PTPRD: variants seen among roughly 807,000 people sequenced by gnomAD.
The protein encoded by PTPRD is receptor-type tyrosine-protein phosphatase delta.
A neutral mutation model predicts 214.5 loss-of-function variants in PTPRD; 34 were observed. The ratio of observed to expected loss-of-function variants is 0.16; its 90% CI spans 0.12 to 0.21. The LOEUF is 0.21. PTPRD is among the 10% of genes least tolerant of loss of function. The probability of loss-of-function intolerance (pLI) is 1.00; values close to 1 mark genes in which losing one functional copy is unlikely to be tolerated. For missense variants in PTPRD, 2,545 were observed against 2,398.7 expected, an observed-to-expected ratio of 1.06 and a Z score of -1.27; for synonymous variants, 1,128 against 845.7, an observed-to-expected ratio of 1.33 and a Z score of -5.79.
At chr9:8,643,560 T>C (rs977397388) in intron 12 of PTPRD, among the ~76,000 whole-genome samples, 6 of 152,096 alleles carry the variant, frequency 3.9e-5, no homozygotes, top group African/African-American at 9.7e-5. Context: ...ACGCAGGGCA[T>C]AGGGGAAGCG....
At chr9:8,431,207 C>T (rs2095028849) in intron 35 of PTPRD, among the ~76,000 whole-genome samples, 1 of 152,020 alleles carries the variant, frequency 6.6e-6, no homozygotes, top group Non-Finnish European at 1.5e-5. Flanking sequence ...ACATGACTGG[C>T]AAGTACAACT....
intron 31 of PTPRD, 84 bp downstream of exon 31, chr9:8,470,911 C>G (rs2096640922): frequency 1.6e-6 from 2 of 1,226,576 alleles, no homozygotes; most frequent in East Asian, 2.3e-5. Context: ...CAGATTAGAT[C>G]CTGAAAGGCC....
chr9:8,869,277 C>T (rs373649419), intron 11 of PTPRD, among the ~76,000 whole-genome samples: 1 of 152,116 alleles, frequency 6.6e-6, no homozygotes, highest in South Asian at 2.1e-4. Flanking sequence ...TTGGTGAACT[C>T]TAAGAATAGA....
At chr9:9,546,717 T>C (rs1488439266) in intron 8 of PTPRD, among the ~76,000 whole-genome samples, 5 of 151,934 alleles carry the variant, frequency 3.3e-5, no homozygotes, top group Non-Finnish European at 7.4e-5. Flanking sequence ...TGAATGTTTA[T>C]AATATGTTCC....
chr9:10,293,623 T>C (rs1325514124), intron 3 of PTPRD, among the ~76,000 whole-genome samples: 3 of 151,954 alleles, frequency 2.0e-5, no homozygotes, highest in African/African-American at 7.2e-5. Flanking sequence ...CATTATAAAG[T>C]GGGCAGTAAC....
chr9:10,473,511 T>C (rs534757277), intron 2 of PTPRD, among the ~76,000 whole-genome samples: 1 of 152,236 alleles, frequency 6.6e-6, no homozygotes, highest in South Asian at 2.1e-4. Flanking sequence ...AGCTTGCACA[T>C]GCGTGAGTGT....
In PTPRD at chr9:10,411,078, T is replaced by C. The variant is rs937006303; in HGVS notation, c.-599-70061A>G. Among the ~76,000 whole-genome samples the C allele has an allele frequency of 2.6e-5, 4 of 151,926 alleles. No homozygotes were observed. The East Asian group carries it at 7.8e-4, about 30-fold the overall frequency. On this transcript the variant is annotated intron_variant, in intron 2 of 45. Coordinates refer to ENST00000381196, the MANE Select transcript of PTPRD (RefSeq NM_002839.4). ...AGCAAATGTTTGCCTGTTACCTTTT[T>C]AAATTTATTTACTTTTACTATTTAC...
At chr9:9,049,068 C>A (rs141751346) in intron 10 of PTPRD, among the ~76,000 whole-genome samples, 3 of 152,186 alleles carry the variant, frequency 2.0e-5, no homozygotes, top group Admixed American at 6.5e-5. Flanking sequence ...ATATACCAAG[C>A]ATCCAATGAT....
At chr9:9,926,096 C>T (rs978550293) in intron 5 of PTPRD, among the ~76,000 whole-genome samples, 1 of 152,090 alleles carries the variant, frequency 6.6e-6, no homozygotes, top group African/African-American at 2.4e-5. Flanking sequence ...TCCTAAAGTG[C>T]TGGGATTACA....
At chr9:8,548,685 T>C (rs1202446782) in intron 14 of PTPRD, among the ~76,000 whole-genome samples, 1 of 55,892 alleles carries the variant, frequency 1.8e-5, no homozygotes, top group African/African-American at 1.7e-4. Context: ...GATTTTTTTT[T>C]TTTTTTTTTT....
chr9:10,260,660 G>T (rs2093632026), intron 3 of PTPRD, among the ~76,000 whole-genome samples: 1 of 152,114 alleles, frequency 6.6e-6, no homozygotes, highest in African/African-American at 2.4e-5. Context: ...ACTACAGGGT[G>T]ATACTTATCC....
At chr9:10,524,027 T>C (rs550092978) in intron 2 of PTPRD, among the ~76,000 whole-genome samples, 1 of 151,928 alleles carries the variant, frequency 6.6e-6, no homozygotes, top group Non-Finnish European at 1.5e-5. Flanking sequence ...CTAAGGGTGG[T>C]TCTCTGGCTT....
At chr9:10,303,051 A>G (rs1274932049) in intron 3 of PTPRD, among the ~76,000 whole-genome samples, 1 of 152,036 alleles carries the variant, frequency 6.6e-6, no homozygotes, top group Non-Finnish European at 1.5e-5. Context: ...TAGCAATCAT[A>G]ACAAACAGTC....
chr9:10,197,650 G>A (rs1029288201), intron 3 of PTPRD, among the ~76,000 whole-genome samples: 1 of 152,062 alleles, frequency 6.6e-6, no homozygotes, highest in Admixed American at 6.6e-5. Context: ...AGAGATACAA[G>A]AATCAAAGAA....
intron 11 of PTPRD, among the ~76,000 whole-genome samples, chr9:8,842,900 G>T (rs1336915050): frequency 6.6e-6 from 1 of 152,132 alleles, no homozygotes; most frequent in Admixed American, 6.6e-5. Flanking sequence ...TCCTAACAAA[G>T]ACACACTTGC....
intron 2 of PTPRD, among the ~76,000 whole-genome samples, chr9:10,506,579 A>G (rs1378857231): frequency 2.0e-5 from 3 of 152,136 alleles, no homozygotes; most frequent in Non-Finnish European, 4.4e-5. Flanking sequence ...TATCTCATGT[A>G]CCATATAAAT....
At chr9:10,542,876 G>A (rs118134211) in intron 2 of PTPRD, among the ~76,000 whole-genome samples, 4,787 of 151,560 alleles carry the variant, frequency 0.032, 110 homozygotes, top group East Asian at 0.091. Flanking sequence ...GCACTACCAC[G>A]CCAGGCTAAT....
chr9:8,941,240 A>C (rs2099032099), intron 11 of PTPRD, among the ~76,000 whole-genome samples: 1 of 152,224 alleles, frequency 6.6e-6, no homozygotes, highest in Non-Finnish European at 1.5e-5. Flanking sequence ...TCAATAAGGA[A>C]GCATTTACTA....
At chr9:9,225,081 T>C (rs2099958560) in intron 9 of PTPRD, among the ~76,000 whole-genome samples, 1 of 152,064 alleles carries the variant, frequency 6.6e-6, no homozygotes, top group Admixed American at 6.6e-5. Context: ...GTTTTGTCTT[T>C]TTTCTACAAA....
Sources: allele counts gnomAD v4.1 joint callset (sites outside exome capture counted in the v4.1 genomes callset), GRCh38; gene constraint gnomAD v4.1.1; transcripts MANE v1.5; gene names NCBI Gene and HGNC (gene_info 2026-07-23, HGNC 2026-07-21).